The following EDAR variants were observed in gnomAD, a reference collection of about 807,000 sequenced individuals.
EDAR encodes the protein ectodysplasin A receptor.
Under a neutral mutation model 51.3 loss-of-function variants are expected in EDAR, and 38 were observed. The ratio of observed to expected loss-of-function variants is 0.74; its 90% CI spans 0.57 to 0.97. The LOEUF is 0.97. EDAR is among the 50% of genes least tolerant of loss of function. The pLI is 0.00. For synonymous variants in EDAR, 227 were observed against 242.1 expected (o/e 0.94, Z 0.58); for missense variants, 528 against 595.0 (o/e 0.89, Z 1.17).
chr2:108,926,507 G>C (rs971919970), intron 4 of EDAR, among the ~76,000 whole-genome samples: 1 of 152,190 alleles, frequency 6.6e-6, no homozygotes, highest in Non-Finnish European at 1.5e-5. Flanking sequence ...TCCTCCAACC[G>C]TGTTGGTGTG....
chr2:108,923,603 C>T (rs1042431518), intron 4 of EDAR, 150 bp from the exon 5 acceptor site: 31 of 708,038 alleles, frequency 4.4e-5, no homozygotes, highest in Admixed American at 1.4e-4. Flanking sequence ...TCTGTCCACT[C>T]AGTTTCCTTG....
At chr2:108,975,526 C>T (rs541858904) in intron 1 of EDAR, among the ~76,000 whole-genome samples, 12 of 152,286 alleles carry the variant, frequency 7.9e-5, no homozygotes, top group South Asian at 6.2e-4. Context: ...AGATGGATGC[C>T]GGAGTGAGAA....
chr2:108,905,994 C>G lies in EDAR; in HGVS notation c.1024+314G>C, dbSNP rs143548797. On this transcript the variant is annotated intron_variant, in intron 11 of 11. Transcript: ENST00000258443. ...CCAGTGTGGACACGGTCTCTGGGGA[C>G]ACGGGAGGTCTGAGGCTCCGTGGCT... Among the ~76,000 whole-genome samples, 26 of 146,128 alleles carry G rather than the reference C, an allele frequency of 1.8e-4. 1 individual carries two copies. The East Asian group carries it at 4.8e-3, about 27-fold the overall frequency.
Position 108,960,685 on chromosome 2 carries a change from C to T in EDAR, c.-19+28275G>A, listed in dbSNP as rs576447204. ...ACATGTAAAAGTATAAAGAAGAAAA[C>T]TAAAAATCACTGCTGGTCCTACCAT... On this transcript the variant is annotated intron_variant, in intron 1 of 11. Transcript: ENST00000258443. Among the ~76,000 whole-genome samples, 154 of 152,046 alleles carry T rather than the reference C, an allele frequency of 1.0e-3. 1 individual carries two copies. Among genetic ancestry groups the T allele is most frequent in the Non-Finnish European group, 1.6e-3 (112 of 68,000 alleles).
chr2:108,960,412 T>C (rs1418202365), intron 1 of EDAR, among the ~76,000 whole-genome samples: 1 of 152,168 alleles, frequency 6.6e-6, no homozygotes, highest in Non-Finnish European at 1.5e-5. Context: ...TCACCTGTGG[T>C]GCTCCCCCCA....
chr2:108,964,665 A>G (rs2104416471), intron 1 of EDAR, among the ~76,000 whole-genome samples: 1 of 152,302 alleles, frequency 6.6e-6, no homozygotes, highest in Non-Finnish European at 1.5e-5. Context: ...TTCCAGAAAG[A>G]AGAAGTGCTG....
chr2:108,940,837 T>C (rs1031107438), intron 1 of EDAR, among the ~76,000 whole-genome samples: 1 of 152,282 alleles, frequency 6.6e-6, no homozygotes, highest in Non-Finnish European at 1.5e-5. Flanking sequence ...CAGATTTTTG[T>C]ATTCTTATTG....
Position 108,910,548 on chromosome 2 carries a change from G to A in EDAR, c.731-16C>T, listed in dbSNP as rs535613872. 1.0e-5 allele frequency: 16 copies of A among 1,605,842 alleles called. No homozygotes were observed. The highest frequency in any genetic ancestry group is 5.5e-5 in the South Asian group (5 of 90,648). ...ACCACGTTGTCTGCAGGGAAATGGG[G>A]AGGTTGGGGAGATAGGAGTTAGAAT... On this transcript the variant is annotated splice_polypyrimidine_tract_variant and intron_variant, in intron 8 of 11. Coordinates refer to ENST00000258443, the MANE Select transcript of EDAR (RefSeq NM_022336.4).
At chr2:108,980,096 G>GGGGTGGGGTGGGGTGGGGTC (rs1698394624) in intron 1 of EDAR, among the ~76,000 whole-genome samples, 1 of 151,170 alleles carries the variant, frequency 6.6e-6, no homozygotes, top group African/African-American at 2.4e-5. Flanking sequence ...TGAATGGTGT[G>GGGGTGGGGTGGGGTGGGGTC]GGGTGGGGTG....
At chr2:108,968,792 A>T (rs10174201) in intron 1 of EDAR, among the ~76,000 whole-genome samples, 8,811 of 152,236 alleles carry the variant, frequency 0.058, 608 homozygotes, top group African/African-American at 0.17. Flanking sequence ...CTTTCCAGGG[A>T]CTCAGGCCTG....
intron 1 of EDAR, among the ~76,000 whole-genome samples, chr2:108,950,085 G>A (rs971655420): frequency 6.6e-6 from 1 of 152,202 alleles, no homozygotes; most frequent in Non-Finnish European, 1.5e-5. Context: ...GACCCCAGGA[G>A]GGGCCTGCTG....
Position 108,907,912 on chromosome 2 carries a change from G to A in EDAR, c.911C>T (p.Ser304Leu), listed in dbSNP as rs1482311193. ...CTTCTCCCTGGCCAGGTGAACCAGCGACAGCAGGCACAGCTCCGGGGAGCC... is the reference window on the plus strand; with the variant it reads ...CTTCTCCCTGGCCAGGTGAACCAGCAACAGCAGGCACAGCTCCGGGGAGCC... ...KQGSPELCLLSLVHLAREKSA... is the reference protein window; with the variant it reads ...KQGSPELCLLLLVHLAREKSA... The change falls in exon 10 of 12, where the codon TCG becomes TTG. Residue 304 changes from serine to leucine, a missense_variant. Coordinates refer to ENST00000258443, the MANE Select transcript of EDAR (RefSeq NM_022336.4). The A allele has an allele frequency of 2.5e-6, 4 of 1,613,626 alleles. No individual in the cohort carries two copies. The highest frequency in any genetic ancestry group is 1.1e-5 in the South Asian group (1 of 91,062).
chr2:108,977,311 C>A (rs1476058138), intron 1 of EDAR, among the ~76,000 whole-genome samples: 1 of 152,178 alleles, frequency 6.6e-6, no homozygotes, highest in East Asian at 1.9e-4. Context: ...CTCTGTCGCC[C>A]AGGCTGGAAT....
chr2:108,972,340 T>C (rs1698249665), intron 1 of EDAR, among the ~76,000 whole-genome samples: 1 of 152,202 alleles, frequency 6.6e-6, no homozygotes, highest in Non-Finnish European at 1.5e-5. Context: ...ACACAGACAA[T>C]GATGACCAAA....
intron 5 of EDAR, among the ~76,000 whole-genome samples, chr2:108,921,986 G>T (rs1048804934): frequency 6.6e-6 from 1 of 152,206 alleles, no homozygotes; most frequent in Admixed American, 6.5e-5. Context: ...AGTGGGGTGC[G>T]CTCATCTTTA....
chr2:108,906,396 C>A, intron 10 of EDAR, 28 bp from the exon 11 acceptor site: 1 of 1,613,678 alleles, frequency 6.2e-7, no homozygotes, highest in South Asian at 1.1e-5. Context: ...GAATTTTCAT[C>A]TCCAGAAAGG....
chr2:108,979,450 CTCTG>C (rs1248111199), intron 1 of EDAR, among the ~76,000 whole-genome samples: 1 of 109,790 alleles, frequency 9.1e-6, no homozygotes, highest in Admixed American at 9.6e-5. Context: ...CTCTCTCTGT[CTCTG>C]TCTCTCTCTC....
chr2:108,974,535 G>C (rs1253371712), intron 1 of EDAR, among the ~76,000 whole-genome samples: 1 of 151,218 alleles, frequency 6.6e-6, no homozygotes, highest in East Asian at 2.0e-4. Context: ...TTGGAGACCA[G>C]CCTGACCAAC....
At chr2:108,922,391 C>T (rs943123260) in intron 5 of EDAR, among the ~76,000 whole-genome samples, 1 of 152,206 alleles carries the variant, frequency 6.6e-6, no homozygotes, top group African/African-American at 2.4e-5. Flanking sequence ...TATGGCTGGC[C>T]AGGAAAATGG....
Sources: gnomAD v4.1 joint callset for allele counts (sites outside exome capture counted in the v4.1 genomes callset) on GRCh38, gnomAD v4.1.1 for gene constraint, MANE v1.5 for transcripts, NCBI Gene and HGNC (gene_info 2026-07-23, HGNC 2026-07-21) for gene names.